Variants in TANC1 observed in about 807,000 individuals in gnomAD.
TANC1 encodes the protein protein TANC1.
In TANC1, 77 loss-of-function variants were observed where a neutral mutation model predicts 149.7. The observed-to-expected ratio is 0.51, with a 90% CI of 0.43 to 0.62. TANC1 has a LOEUF of 0.62. Ranked by LOEUF, TANC1 falls within the 20% of genes least tolerant of loss-of-function variation. The probability of loss-of-function intolerance (pLI) is 0.00; values close to 1 mark genes in which losing one functional copy is unlikely to be tolerated. For synonymous variants in TANC1, 854 were observed against 925.0 expected (o/e 0.92, Z 1.39); for missense variants, 1,985 against 2,321.8 (o/e 0.85, Z 2.98).
At chr2:159,134,053 A>C (rs1185844797) in intron 4 of TANC1, among the ~76,000 whole-genome samples, 1 of 152,160 alleles carries the variant, frequency 6.6e-6, no homozygotes, top group Non-Finnish European at 1.5e-5. Context: ...TTTGAGACAG[A>C]AGGATGGTCT....
intron 5 of TANC1, 94 bp from the exon 6 acceptor site, chr2:159,149,048 T>G: frequency 7.1e-7 from 1 of 1,407,888 alleles, no homozygotes; most frequent in Admixed American, 2.3e-5. Flanking sequence ...ACACACAAAA[T>G]CACCAGACAA....
At chr2:158,983,302 C>A (rs2034591029) in intron 1 of TANC1, among the ~76,000 whole-genome samples, 1 of 151,762 alleles carries the variant, frequency 6.6e-6, no homozygotes, top group Non-Finnish European at 1.5e-5. Context: ...CCCGTCTCTA[C>A]TAAAAATACA....
chr2:159,059,967 T>TA (rs2042126122), intron 2 of TANC1: 2 of 161,788 alleles, frequency 1.2e-5, no homozygotes, highest in South Asian at 4.0e-4. Context: ...TTTGGTCTCT[T>TA]ACGCTTTGTT....
chr2:159,166,973 C>T (rs2054665474), intron 8 of TANC1, among the ~76,000 whole-genome samples: 1 of 152,218 alleles, frequency 6.6e-6, no homozygotes, highest in East Asian at 1.9e-4. Flanking sequence ...AATCTGAAAA[C>T]AGGCCTGTGG....
chr2:159,049,158 A>C (rs1464394841), intron 2 of TANC1, among the ~76,000 whole-genome samples: 1 of 152,182 alleles, frequency 6.6e-6, no homozygotes, highest in Non-Finnish European at 1.5e-5. Context: ...TACATAGATA[A>C]ACTCAATCTA....
In TANC1 at chr2:159,042,666, T is replaced by TG. The variant is rs558541114; in HGVS notation, c.-15-23224dup. ...CAGAGAAAGGGCTGGCAAGATTCCG[T>TG]GGGGGGTGGTGTGGGCATGCAGGTG... On this transcript the variant is annotated intron_variant, in intron 2 of 26. Transcript: ENST00000263635. Among the ~76,000 whole-genome samples, 842 of 151,674 alleles carry TG rather than the reference T, an allele frequency of 5.6e-3. 5 individuals are homozygous for TG. Among genetic ancestry groups the TG allele is most frequent in the South Asian group, 0.021 (98 of 4,776 alleles).
intron 3 of TANC1, among the ~76,000 whole-genome samples, chr2:159,078,862 C>T (rs2043960542): frequency 6.6e-6 from 1 of 152,094 alleles, no homozygotes; most frequent in Non-Finnish European, 1.5e-5. Flanking sequence ...TTCTTGCCTA[C>T]AAAATGAAGT....
Position 159,219,276 on chromosome 2 carries a change from C to A in TANC1, c.3417C>A (p.Asn1139Lys). 1 of 1,614,152 alleles carries A rather than the reference C, an allele frequency of 6.2e-7. No individual in the cohort carries two copies. The highest frequency in any genetic ancestry group is 8.5e-7 in the Non-Finnish European group (1 of 1,180,040). ...TGTTGGAACGCGGCTGTGATGTGAA[C>A]CTAAGTGACAAGCAAGGCCGGACGC... is the stretch of plus-strand genomic sequence containing the variant. Reference protein sequence around the residue: ...RLLLERGCDVNLSDKQGRTPL... With the variant: ...RLLLERGCDVKLSDKQGRTPL... Residue 1139 changes from asparagine (N) to lysine (K), a missense_variant, in exon 21 of 27, where the codon AAC becomes AAA. Coordinates refer to ENST00000263635, the MANE Select transcript of TANC1 (RefSeq NM_033394.3).
intron 2 of TANC1, among the ~76,000 whole-genome samples, chr2:159,031,178 A>G (rs924847550): frequency 2.0e-5 from 3 of 152,246 alleles, no homozygotes; most frequent in African/African-American, 7.2e-5. Flanking sequence ...TACTGGATAC[A>G]AGGTCAGGGC....
At chr2:158,984,678 G>A (rs576791556) in intron 1 of TANC1, among the ~76,000 whole-genome samples, 9 of 152,112 alleles carry the variant, frequency 5.9e-5, no homozygotes, top group Admixed American at 1.3e-4. Flanking sequence ...AGGAGGAGGA[G>A]TAGGGGGAGG....
intron 2 of TANC1, among the ~76,000 whole-genome samples, chr2:159,046,364 T>C (rs970612364): frequency 1.3e-5 from 2 of 152,068 alleles, no homozygotes; most frequent in Non-Finnish European, 2.9e-5. Flanking sequence ...TTAAAGAATT[T>C]TACAATTTAG....
At chr2:159,160,389 T>C (rs1484650718) in intron 7 of TANC1, among the ~76,000 whole-genome samples, 1 of 152,210 alleles carries the variant, frequency 6.6e-6, no homozygotes, top group East Asian at 1.9e-4. Flanking sequence ...TGTGTACGTG[T>C]ACCCACAAGC....
chr2:159,214,032 A>G (rs927571329), intron 19 of TANC1, among the ~76,000 whole-genome samples: 1 of 151,332 alleles, frequency 6.6e-6, no homozygotes, highest in Non-Finnish European at 1.5e-5. Flanking sequence ...AGGCTGAGGC[A>G]GGAGAATCCC....
At chr2:158,982,175 G>T (rs1454724927) in intron 1 of TANC1, among the ~76,000 whole-genome samples, 1 of 152,060 alleles carries the variant, frequency 6.6e-6, no homozygotes, top group Non-Finnish European at 1.5e-5. Context: ...AGCTCCCAGC[G>T]CATTCTTATA....
intron 5 of TANC1, among the ~76,000 whole-genome samples, chr2:159,138,591 G>C (rs1206594362): frequency 6.6e-6 from 1 of 152,234 alleles, no homozygotes. Context: ...ACAGATACAT[G>C]ATGGGCAAAC....
At chr2:159,141,278 A>T (rs1281560228) in intron 5 of TANC1, among the ~76,000 whole-genome samples, 1 of 152,226 alleles carries the variant, frequency 6.6e-6, no homozygotes, top group Non-Finnish European at 1.5e-5. Context: ...TAAGGTCACT[A>T]ATCCCATTCT....
Position 159,229,703 on chromosome 2 carries a change from A to G in TANC1, c.4277A>G (p.Gln1426Arg). ...AAACAACTCCAGAGGAGTCAACAGC[A>G]AAAACAGCAGGGCCCGCTACCAGCT... ...ECKQLQRSQQ[Q>R]KQQGPLPAPL... The change falls in exon 27 of 27, where the codon CAA becomes CGA. Residue 1426 changes from glutamine to arginine, a missense_variant. Around this residue, in one of 3 missense-constraint regions of TANC1, gnomAD observed 920 missense variants for 994.7 expected, o/e 0.92. Coordinates refer to ENST00000263635, the MANE Select transcript of TANC1 (RefSeq NM_033394.3). 3 of 1,614,034 alleles carry G rather than the reference A, an allele frequency of 1.9e-6. No individual in the cohort carries two copies. Among genetic ancestry groups the G allele is most frequent in the Non-Finnish European group, 2.5e-6 (3 of 1,180,014 alleles).
intron 2 of TANC1, among the ~76,000 whole-genome samples, chr2:159,035,775 CTG>C (rs776267873): frequency 1.4e-4 from 21 of 152,208 alleles, no homozygotes; most frequent in East Asian, 5.8e-4. Context: ...CTCTGCGACT[CTG>C]TAATTTATAG....
chr2:159,219,559 C>T (rs995881069), intron 21 of TANC1, 133 bp from the exon 22 acceptor site: 17 of 1,305,404 alleles, frequency 1.3e-5, no homozygotes, highest in Admixed American at 9.0e-5. Flanking sequence ...CCAGCCCATC[C>T]GGCCAGTGTC....
Sources: allele counts gnomAD v4.1 joint callset (sites outside exome capture counted in the v4.1 genomes callset), GRCh38; gene constraint gnomAD v4.1.1; regional missense constraint gnomAD v4.1.1; transcripts MANE v1.5; gene names NCBI Gene and HGNC (gene_info 2026-07-23, HGNC 2026-07-21).